ZNRF3: variants seen among roughly 807,000 people sequenced by gnomAD.
ZNRF3 encodes E3 ubiquitin-protein ligase ZNRF3.
ZNRF3 carries 23 observed loss-of-function variants against 72.5 expected under a neutral mutation model. The observed-to-expected ratio is 0.32, with a 90% confidence interval of 0.23 to 0.45. The LOEUF (loss-of-function observed/expected upper bound fraction) is 0.45. Among genes scored for constraint, ZNRF3 ranks in the 20% least tolerant of loss-of-function variants. ZNRF3 has a pLI of 1.00. For missense variants in ZNRF3, 1,169 were observed against 1,272.1 expected (o/e 0.92, Z 1.23); for synonymous variants, 610 against 545.3 (o/e 1.12, Z -1.65).
At chr22:28,928,908 G>T (rs540630278) in intron 1 of ZNRF3, among the ~76,000 whole-genome samples, 6 of 152,148 alleles carry the variant, frequency 3.9e-5, no homozygotes, top group African/African-American at 1.4e-4. Context: ...GTCCTATAAT[G>T]CTAACAAGAG....
In ZNRF3 at chr22:29,057,055, AT is replaced by A; in HGVS notation, c.*3439del. The A allele has an allele frequency of 6.6e-6, 1 of 152,330 alleles. No individual in the cohort carries two copies. Among genetic ancestry groups the A allele is most frequent in the Non-Finnish European group, 1.5e-5 (1 of 68,026 alleles). 9.4% of individuals were successfully genotyped at this position (152,330 alleles called of 1,614,324 possible). A position where few individuals can be genotyped will look rare whatever the true frequency, so the allele number is the denominator to read the frequency against. On this transcript the variant is annotated 3_prime_UTR_variant, in exon 9 of 9. Transcript: ENST00000544604. ...TGGTCTAACAAGGCACTATTTTAAA[AT>A]TTTTTAATTTTTCCCATAGCACTTA...
intron 2 of ZNRF3, among the ~76,000 whole-genome samples, chr22:29,037,491 G>T (rs186900282): frequency 7.7e-4 from 117 of 152,260 alleles, no homozygotes; most frequent in Middle Eastern, 3.4e-3. Flanking sequence ...GTAGTAACCC[G>T]AGTATGGTAC....
intron 1 of ZNRF3, among the ~76,000 whole-genome samples, chr22:28,922,481 C>G (rs952985517): frequency 1.3e-5 from 2 of 152,298 alleles, no homozygotes; most frequent in Non-Finnish European, 2.9e-5. Context: ...TCCGTATTCG[C>G]ACTGTTACAA....
chr22:29,007,121 C>T (rs376719232), intron 2 of ZNRF3, among the ~76,000 whole-genome samples: 12 of 152,176 alleles, frequency 7.9e-5, no homozygotes, highest in African/African-American at 2.4e-4. Flanking sequence ...GGGGACAGAA[C>T]GACTTGAATA....
At chr22:29,020,716 G>A (rs923048150) in intron 2 of ZNRF3, among the ~76,000 whole-genome samples, 2 of 151,304 alleles carry the variant, frequency 1.3e-5, no homozygotes, top group Admixed American at 1.3e-4. Context: ...TGTTCTGCTG[G>A]TCTAACTTAC....
intron 2 of ZNRF3, among the ~76,000 whole-genome samples, chr22:29,038,404 A>C (rs998303315): frequency 6.6e-6 from 1 of 150,762 alleles, no homozygotes; most frequent in Non-Finnish European, 1.5e-5. Context: ...TGGCACAATC[A>C]TGGCTCACTA....
Position 28,944,102 on chromosome 22 carries a change from A to C in ZNRF3, c.301-42974A>C, listed in dbSNP as rs569961916. Among the ~76,000 whole-genome samples the C allele has an allele frequency of 8.1e-4, 123 of 152,320 alleles. 1 individual carries two copies. The South Asian group carries it at 0.021, about 26-fold the overall frequency. On this transcript the variant is annotated intron_variant, in intron 1 of 8. Coordinates refer to ENST00000544604, the MANE Select transcript of ZNRF3 (RefSeq NM_001206998.2). The stretch of plus-strand genomic sequence containing the variant: ...TAAAATTAGCAATCATTTTTATAAA[A>C]AGATACAAGAAAATAGATATTTACA...
At chr22:28,889,856 C>T (rs77021611) in intron 1 of ZNRF3, among the ~76,000 whole-genome samples, 4,152 of 152,238 alleles carry the variant, frequency 0.027, 174 homozygotes, top group African/African-American at 0.089. Flanking sequence ...GAGCACCTGT[C>T]GCTGTTGAAA....
chr22:28,949,549 G>T (rs755028056), intron 1 of ZNRF3, among the ~76,000 whole-genome samples: 9 of 152,136 alleles, frequency 5.9e-5, no homozygotes, highest in Non-Finnish European at 1.3e-4. Context: ...CAAAGTGCTG[G>T]GATTAAGCGT....
rs1388194527 is a variant in ZNRF3 at position 28,966,635 on chromosome 22, A to T, written c.301-20441A>T. 2.0e-5 allele frequency among the ~76,000 whole-genome samples: 3 copies of T among 149,512 alleles called. No homozygotes were observed. The East Asian group carries it at 5.9e-4, about 29-fold the overall frequency. On this transcript the variant is annotated intron_variant, in intron 1 of 8. Transcript: ENST00000544604. ...TTTAACAAAAAAAGTTTAAAAAAGT[A>T]AAAAAAAAAGTTTTGATAGAAAAAA...
chr22:29,036,766 T>G (rs2036874208), intron 2 of ZNRF3, among the ~76,000 whole-genome samples: 2 of 152,346 alleles, frequency 1.3e-5, no homozygotes, highest in Non-Finnish European at 2.9e-5. Context: ...ATTATAATTT[T>G]AAAAACTGGA....
At position 29,050,120 on chromosome 22, in the gene ZNRF3, TGGCCG is replaced by T. The variant is rs771815878; in HGVS notation, c.1944_1948del (p.Gly649CysfsTer30). The T allele has an allele frequency of 6.2e-7, 1 of 1,607,036 alleles. No homozygotes were observed. Among genetic ancestry groups the T allele is most frequent in the South Asian group, 1.1e-5 (1 of 91,070 alleles). On this transcript the variant is annotated frameshift_variant, in exon 8 of 9. Coordinates refer to ENST00000544604, the MANE Select transcript of ZNRF3 (RefSeq NM_001206998.2). LOFTEE classifies it high-confidence loss of function. ...TCATGGTGCTGGGCGGGGCGAGCCTTGGCCGGGCCCTGCCTCTCCCTCGGGGGATC... is the reference window on the plus strand; with the variant it reads ...TCATGGTGCTGGGCGGGGCGAGCCTTGGCCCTGCCTCTCCCTCGGGGGATC...
At chr22:28,912,639 A>G (rs1449618440) in intron 1 of ZNRF3, among the ~76,000 whole-genome samples, 1 of 149,472 alleles carries the variant, frequency 6.7e-6, no homozygotes, top group Non-Finnish European at 1.5e-5. Flanking sequence ...ATCTAGGCTC[A>G]GGGACACGGT....
chr22:29,018,204 A>G (rs184521630), intron 2 of ZNRF3: 109 of 338,164 alleles, frequency 3.2e-4, no homozygotes, highest in Non-Finnish European at 1.4e-4. Context: ...TATGGAATGA[A>G]CTGGAAAAAG....
At chr22:28,910,128 T>G (rs2034290060) in intron 1 of ZNRF3, among the ~76,000 whole-genome samples, 1 of 151,460 alleles carries the variant, frequency 6.6e-6, no homozygotes, top group Non-Finnish European at 1.5e-5. Flanking sequence ...CTCTGCCTCC[T>G]GGGTTCAAGC....
intron 1 of ZNRF3, among the ~76,000 whole-genome samples, chr22:28,886,529 A>T (rs939551532): frequency 6.6e-6 from 1 of 152,220 alleles, no homozygotes; most frequent in African/African-American, 2.4e-5. Context: ...CAAACATTTT[A>T]TCCACAGTCT....
intron 2 of ZNRF3, chr22:29,026,417 T>C (rs2036638435): frequency 6.6e-6 from 1 of 152,184 alleles, no homozygotes; most frequent in Non-Finnish European, 1.5e-5. Context: ...CTTGGTTAGC[T>C]CAGTTCAGAG....
chr22:28,912,626 T>C (rs564093927), intron 1 of ZNRF3, among the ~76,000 whole-genome samples: 1 of 151,760 alleles, frequency 6.6e-6, no homozygotes, highest in South Asian at 2.1e-4. Flanking sequence ...ACAAAGACCG[T>C]CCATCTAGGC....
chr22:29,027,841 C>CA (rs1277689276), intron 2 of ZNRF3, among the ~76,000 whole-genome samples: 1 of 152,020 alleles, frequency 6.6e-6, no homozygotes, highest in Non-Finnish European at 1.5e-5. Flanking sequence ...TGTGAGATAC[C>CA]CCCTTTTCTT....
Sources: allele counts gnomAD v4.1 joint callset (sites outside exome capture counted in the v4.1 genomes callset), GRCh38; gene constraint gnomAD v4.1.1; transcripts MANE v1.5; gene names NCBI Gene and HGNC (gene_info 2026-07-23, HGNC 2026-07-21).